The following DCT variants were observed in gnomAD, a reference collection of about 807,000 sequenced individuals.
The protein encoded by DCT is dopachrome tautomerase.
DCT carries 47 observed loss-of-function variants against 53.0 expected under a neutral mutation model. That is an observed-to-expected ratio of 0.89 (90% CI 0.70 to 1.13). The LOEUF (loss-of-function observed/expected upper bound fraction) is 1.13. Ranked by LOEUF, DCT falls within the 50% of genes most tolerant of loss-of-function variation. DCT has a pLI of 0.00. For synonymous variants in DCT, 244 were observed against 237.0 expected (o/e 1.03, Z -0.27); for missense variants, 669 against 637.4 (o/e 1.05, Z -0.53).
At chr13:94,466,495 C>T (rs1884228188) in intron 3 of DCT, 63 bp downstream of exon 3, 1 of 1,059,472 alleles carries the variant, frequency 9.4e-7, no homozygotes, top group Admixed American at 2.7e-5. Context: ...CACTGTATGC[C>T]TTAAATATAT....
At chr13:94,474,178 G>A (rs1182782147) in intron 1 of DCT, among the ~76,000 whole-genome samples, 3 of 152,034 alleles carry the variant, frequency 2.0e-5, no homozygotes, top group African/African-American at 2.4e-5. Flanking sequence ...TCAATCTATC[G>A]ACCATTGAGT....
At chr13:94,483,186 A>T (rs2139390718), upstream of DCT, among the ~76,000 whole-genome samples, 1 of 151,260 alleles carries the variant, frequency 6.6e-6, no homozygotes, top group Middle Eastern at 3.4e-3. Flanking sequence ...AGGCAGGAGG[A>T]TTTCTTGAGT....
chr13:94,529,451 C>A, the DCT span, among the ~76,000 whole-genome samples: 1 of 152,200 alleles, frequency 6.6e-6, no homozygotes, highest in Non-Finnish European at 1.5e-5. Context: ...TCTCACACCA[C>A]AGGGCAATCA....
At chr13:94,511,663 T>C in the DCT span, among the ~76,000 whole-genome samples, 3 of 152,090 alleles carry the variant, frequency 2.0e-5, no homozygotes, top group Non-Finnish European at 2.9e-5. Context: ...TCCGGCCTCA[T>C]AACTTTCATC....
At chr13:94,481,151 C>T (rs1292528076), upstream of DCT, among the ~76,000 whole-genome samples, 1 of 152,202 alleles carries the variant, frequency 6.6e-6, no homozygotes, top group Non-Finnish European at 1.5e-5. Flanking sequence ...TCCTCCATGT[C>T]TGTTTCTTAT....
At chr13:94,549,395 G>A in the DCT span, among the ~76,000 whole-genome samples, 3 of 152,198 alleles carry the variant, frequency 2.0e-5, no homozygotes, top group African/African-American at 4.8e-5. Flanking sequence ...TTCCGGCGCC[G>A]AGGGTGCCTC....
chr13:94,502,439 T>G, the DCT span, among the ~76,000 whole-genome samples: 1 of 151,890 alleles, frequency 6.6e-6, no homozygotes, highest in Non-Finnish European at 1.5e-5. Context: ...TTACTTTCCC[T>G]GCCAGACTCT....
intron 6 of DCT, among the ~76,000 whole-genome samples, chr13:94,452,193 C>T (rs528013270): frequency 1.4e-4 from 21 of 152,112 alleles, no homozygotes; most frequent in African/African-American, 3.6e-4. Context: ...ACACCACACC[C>T]GGCTAATTTT....
At chr13:94,507,028 G>A in the DCT span, among the ~76,000 whole-genome samples, 1 of 152,160 alleles carries the variant, frequency 6.6e-6, no homozygotes, top group Non-Finnish European at 1.5e-5. Flanking sequence ...GGACTGGCTA[G>A]TATTCTTCAA....
At chr13:94,500,141 C>T in the DCT span, among the ~76,000 whole-genome samples, 1 of 152,174 alleles carries the variant, frequency 6.6e-6, no homozygotes, top group East Asian at 1.9e-4. Flanking sequence ...AAGCTTTTAC[C>T]CTTTCATCAA....
the DCT span, among the ~76,000 whole-genome samples, chr13:94,531,496 G>A: frequency 6.6e-6 from 1 of 151,960 alleles, no homozygotes; most frequent in Non-Finnish European, 1.5e-5. Flanking sequence ...ACACATCTAC[G>A]ACCGTCTGAT....
the DCT span, among the ~76,000 whole-genome samples, chr13:94,513,027 T>A: frequency 1.3e-5 from 2 of 152,204 alleles, no homozygotes; most frequent in African/African-American, 4.8e-5. Flanking sequence ...CCATGAACTT[T>A]TTCAGAGAAC....
the DCT span, among the ~76,000 whole-genome samples, chr13:94,546,850 A>G: frequency 2.6e-5 from 4 of 152,222 alleles, no homozygotes; most frequent in Admixed American, 2.6e-4. The surrounding 1 kb of genome is among the most constrained non-coding windows in gnomAD (Gnocchi z 4.2). Context: ...ACCTTCTAGG[A>G]ACATTCAGCT....
At chr13:94,490,712 A>ATC in the DCT span, among the ~76,000 whole-genome samples, 1 of 152,082 alleles carries the variant, frequency 6.6e-6, no homozygotes, top group African/African-American at 2.4e-5. Context: ...GTACTTACAA[A>ATC]TCATAGCAGA....
At position 94,443,532 on chromosome 13, in the gene DCT, T is replaced by A; in HGVS notation, c.1285A>T (p.Met429Leu). ...GGGAAGAAAGGAACCATGTTGTACA[T>A]CCGATTGTGACCAATAGGGGCCAGC... ...QELAPIGHNR[M>L]YNMVPFFPPV... Residue 429 changes from methionine (M) to leucine (L), a missense_variant, in exon 7 of 8, where the codon ATG (methionine) becomes TTG (leucine). By Grantham distance (15) the Met-to-Leu change is conservative. Coordinates refer to ENST00000377028, the MANE Select transcript of DCT (RefSeq NM_001922.5). 1 of 1,613,934 alleles carries A rather than the reference T, an allele frequency of 6.2e-7. No individual in the cohort carries two copies. The highest frequency in any genetic ancestry group is 1.1e-5 in the South Asian group (1 of 91,056).
the DCT span, among the ~76,000 whole-genome samples, chr13:94,503,766 A>G: frequency 6.6e-6 from 1 of 152,186 alleles, no homozygotes; most frequent in Non-Finnish European, 1.5e-5. Flanking sequence ...TGAGAGAATA[A>G]ATTACTGCTG....
At chr13:94,491,489 G>A in the DCT span, among the ~76,000 whole-genome samples, 1 of 152,030 alleles carries the variant, frequency 6.6e-6, no homozygotes, top group African/African-American at 2.4e-5. Flanking sequence ...TCACATTCTG[G>A]GTTACTCAGG....
chr13:94,540,278 G>A, the DCT span, among the ~76,000 whole-genome samples: 1 of 152,204 alleles, frequency 6.6e-6, no homozygotes, highest in Non-Finnish European at 1.5e-5. Flanking sequence ...GGCACTAAGA[G>A]TTGCAGAAAG....
chr13:94,459,025 T>C (rs1330020004), intron 6 of DCT, among the ~76,000 whole-genome samples: 1 of 151,356 alleles, frequency 6.6e-6, no homozygotes, highest in Non-Finnish European at 1.5e-5. Context: ...CACAGGTGCA[T>C]GCTACCATGC....
Sources: gnomAD v4.1 joint callset for allele counts (sites outside exome capture counted in the v4.1 genomes callset) on GRCh38, gnomAD v4.1.1 for gene constraint, Gnocchi (gnomAD v3.1) non-coding constraint, MANE v1.5 for transcripts, NCBI Gene and HGNC (gene_info 2026-07-23, HGNC 2026-07-21) for gene names.